The following TENM2 variants were observed in gnomAD, a reference collection of about 807,000 sequenced individuals.
TENM2 encodes the protein teneurin-2.
TENM2 carries 52 observed loss-of-function variants against 245.2 expected under a neutral mutation model. The observed-to-expected ratio is 0.21, with a 90% CI of 0.17 to 0.27. The LOEUF (loss-of-function observed/expected upper bound fraction) is 0.27. TENM2 is among the 10% of genes least tolerant of loss of function. TENM2 has a pLI of 1.00. For missense variants in TENM2, 3,046 were observed against 3,666.8 expected (o/e 0.83, Z 4.37); for synonymous variants, 1,363 against 1,438.9 (o/e 0.95, Z 1.19).
chr5:167,045,859 T>C, the TENM2 span, among the ~76,000 whole-genome samples: 1 of 152,210 alleles, frequency 6.6e-6, no homozygotes, highest in African/African-American at 2.4e-5. Flanking sequence ...GAGTCCAATC[T>C]GCACTTTACG....
chr5:168,177,938 G>A (rs556189766), intron 13 of TENM2, among the ~76,000 whole-genome samples: 1 of 152,216 alleles, frequency 6.6e-6, no homozygotes, highest in African/African-American at 2.4e-5. Context: ...GAATGACACC[G>A]TTTAGAAATT....
intron 12 of TENM2, among the ~76,000 whole-genome samples, chr5:168,162,043 C>A (rs1048135776): frequency 6.6e-6 from 1 of 152,088 alleles, no homozygotes; most frequent in African/African-American, 2.4e-5. Context: ...TCTTTAAGTG[C>A]CCCTTAAAAC....
intron 2 of TENM2, among the ~76,000 whole-genome samples, chr5:167,742,705 C>A (rs1761267748): frequency 6.6e-6 from 1 of 151,628 alleles, no homozygotes; most frequent in Non-Finnish European, 1.5e-5. Flanking sequence ...GATGCCTAAG[C>A]TTTGGTAGGC....
chr5:167,731,796 A>G lies in TENM2; in HGVS notation c.503-144190A>G, dbSNP rs80245768. Among the ~76,000 whole-genome samples, 1,125 of 150,226 alleles carry G rather than the reference A, an allele frequency of 7.5e-3. 15 individuals carry two copies. Among genetic ancestry groups the G allele is most frequent in the African/African-American group, 0.026 (1,072 of 40,758 alleles). On this transcript the variant is annotated intron_variant, in intron 2 of 28. Coordinates refer to ENST00000518659, the Ensembl canonical transcript of TENM2. ...TTTTTATGTCTTTCTTTGGTAGTAT[A>G]GCCTTCTCATTTGTTGCTTTCATGC...
chr5:167,404,343 C>G (rs1762516901), intron 2 of TENM2, among the ~76,000 whole-genome samples: 1 of 152,006 alleles, frequency 6.6e-6, no homozygotes, highest in Non-Finnish European at 1.5e-5. Context: ...TGAAAAATGA[C>G]TGACCGTCCA....
chr5:167,643,959 C>T (rs192122318), intron 2 of TENM2, among the ~76,000 whole-genome samples: 528 of 152,214 alleles, frequency 3.5e-3, no homozygotes, highest in Non-Finnish European at 6.4e-3. Context: ...AATTCAGTAT[C>T]GCATAGTTTT....
At chr5:168,108,063 G>C (rs1007395064) in intron 9 of TENM2, among the ~76,000 whole-genome samples, 19 of 152,190 alleles carry the variant, frequency 1.2e-4, no homozygotes, top group Non-Finnish European at 2.1e-4. Flanking sequence ...GAGGAAGCAA[G>C]GCTTATAAAG....
chr5:167,360,853 A>T (rs983471711), intron 1 of TENM2, among the ~76,000 whole-genome samples: 3 of 152,166 alleles, frequency 2.0e-5, no homozygotes, highest in African/African-American at 7.2e-5. Context: ...TCAAACCATA[A>T]GTAGTGGAAT....
At chr5:167,814,227 A>T (rs1766861611) in intron 2 of TENM2, among the ~76,000 whole-genome samples, 1 of 152,148 alleles carries the variant, frequency 6.6e-6, no homozygotes, top group African/African-American at 2.4e-5. Context: ...TTGGGTTTAC[A>T]TGGTGCCAAG....
At chr5:167,588,272 G>T (rs1363249736) in intron 2 of TENM2, among the ~76,000 whole-genome samples, 1 of 152,192 alleles carries the variant, frequency 6.6e-6, no homozygotes, top group Non-Finnish European at 1.5e-5. Flanking sequence ...ACCTGGTTAT[G>T]GCTAATAGGC....
At chr5:167,548,918 A>T (rs1303195192) in intron 2 of TENM2, among the ~76,000 whole-genome samples, 1 of 152,206 alleles carries the variant, frequency 6.6e-6, no homozygotes, top group Non-Finnish European at 1.5e-5. Flanking sequence ...CTATTAAAAT[A>T]AGTAGTGCTA....
intron 14 of TENM2, among the ~76,000 whole-genome samples, chr5:168,192,399 C>G (rs1761040893): frequency 6.6e-6 from 1 of 152,170 alleles, no homozygotes; most frequent in African/African-American, 2.4e-5. Context: ...ATCGCCAAAA[C>G]TTTACCAGTC....
chr5:167,179,502 C>T, the TENM2 span, among the ~76,000 whole-genome samples: 1 of 152,008 alleles, frequency 6.6e-6, no homozygotes, highest in Non-Finnish European at 1.5e-5. Flanking sequence ...TTAACAGTTA[C>T]TATAGGATTT....
At chr5:167,347,440 A>G (rs911733714) in intron 1 of TENM2, among the ~76,000 whole-genome samples, 6 of 152,208 alleles carry the variant, frequency 3.9e-5, no homozygotes, top group Admixed American at 2.6e-4. Flanking sequence ...AGTGTAGTCT[A>G]CATTGGCAAA....
the TENM2 span, among the ~76,000 whole-genome samples, chr5:166,997,070 T>A: frequency 6.6e-6 from 1 of 152,188 alleles, no homozygotes; most frequent in South Asian, 2.1e-4. Flanking sequence ...GATTCACTTA[T>A]AGACACTCAA....
chr5:167,632,571 C>T (rs559783257), intron 2 of TENM2, among the ~76,000 whole-genome samples: 18 of 152,158 alleles, frequency 1.2e-4, no homozygotes, highest in African/African-American at 4.3e-4. Flanking sequence ...AGTTTTTTAC[C>T]CGTTAATTTC....
intron 2 of TENM2, among the ~76,000 whole-genome samples, chr5:167,816,958 C>T (rs780784299): frequency 5.9e-5 from 9 of 152,112 alleles, no homozygotes; most frequent in South Asian, 2.1e-4. Flanking sequence ...AATCATGACT[C>T]GTATTAGAAA....
chr5:167,375,602 C>A, intron 2 of TENM2, 129 bp downstream of exon 4: 1 of 966,108 alleles, frequency 1.0e-6, no homozygotes, highest in Non-Finnish European at 1.5e-6. Context: ...CCTTGTCTAC[C>A]CAGTGTGAGC....
rs114289306 is a variant in TENM2 at position 167,754,728 on chromosome 5, C to A, written c.503-121258C>A. Among the ~76,000 whole-genome samples the A allele has an allele frequency of 5.2e-4, 76 of 145,052 alleles. 1 individual carries two copies. The highest frequency in any genetic ancestry group is 1.1e-3 in the South Asian group (5 of 4,548). Reference sequence around the variant, plus strand: ...GAACAAACCTTTTTAAGAGATATTTCAAAAAAAAAAAAAGTCTGTGTCAAA... The same window carrying A: ...GAACAAACCTTTTTAAGAGATATTTAAAAAAAAAAAAAAGTCTGTGTCAAA... On this transcript the variant is annotated intron_variant, in intron 2 of 28. Transcript: ENST00000518659.
Sources: gnomAD v4.1 joint callset for allele counts (sites outside exome capture counted in the v4.1 genomes callset) on GRCh38, gnomAD v4.1.1 for gene constraint, MANE v1.5 for transcripts, NCBI Gene and HGNC (gene_info 2026-07-23, HGNC 2026-07-21) for gene names.